The following LOC101059915 variants were observed in gnomAD, a reference collection of about 807,000 sequenced individuals.
At chrX:71,668,122 G>T in the LOC101059915 span, 1 of 1,138,395 alleles carries the variant, frequency 8.8e-7, no homozygotes. Flanking sequence ...CTACCTGGCT[G>T]ATGAGCCAGC....
the LOC101059915 span, chrX:71,669,598 C>T: frequency 5.2e-6 from 5 of 962,070 alleles, no homozygotes; most frequent in African/African-American, 2.0e-5. Context: ...TCTGTCCGTG[C>T]GTCGTGGAGA....
At chrX:71,671,272 C>A in the LOC101059915 span, 1 of 1,158,906 alleles carries the variant, frequency 8.6e-7, no homozygotes, top group African/African-American at 1.8e-5. Flanking sequence ...ACGTCATGTC[C>A]CTTTCCACAG....
chrX:71,669,692 T>A, the LOC101059915 span: 1 of 973,430 alleles, frequency 1.0e-6, no homozygotes, highest in Non-Finnish European at 1.3e-6. Context: ...AGACGCCTGG[T>A]GCCCAGATGC....
the LOC101059915 span, chrX:71,670,934 CT>C: frequency 1.4e-3 from 1,068 of 752,610 alleles, 13 homozygotes; most frequent in African/African-American, 0.023. Context: ...TTTCCTTTAA[CT>C]GCTGCCTGGT....
At chrX:71,668,952 G>A in the LOC101059915 span, 2 of 1,158,615 alleles carry the variant, frequency 1.7e-6, no homozygotes, top group Non-Finnish European at 2.3e-6. Context: ...GCCCTGGGAA[G>A]AAACCTGCAG....
the LOC101059915 span, chrX:71,670,111 ACCGTCC>A: frequency 1.3e-6 from 1 of 756,624 alleles, no homozygotes; most frequent in Non-Finnish European, 1.9e-6. Context: ...AACAGGGAAG[ACCGTCC>A]CAGAGGGAGG....
the LOC101059915 span, chrX:71,667,639 C>G: frequency 2.4e-6 from 1 of 421,764 alleles, no homozygotes; most frequent in Non-Finnish European, 3.5e-6. Context: ...CCTTGCTGTT[C>G]CTGTGGCCCC....
At chrX:71,667,591 G>A in the LOC101059915 span, 4 of 286,524 alleles carry the variant, frequency 1.4e-5, no homozygotes, top group South Asian at 4.8e-4. Flanking sequence ...GTGACATCTC[G>A]TGAGCAGACT....
the LOC101059915 span, chrX:71,668,601 T>C: frequency 1.8e-6 from 2 of 1,090,971 alleles, no homozygotes; most frequent in African/African-American, 3.7e-5. Flanking sequence ...TGATCTCTCC[T>C]CCCCGCAGAC....
the LOC101059915 span, chrX:71,667,723 T>C: frequency 2.1e-6 from 2 of 944,115 alleles, no homozygotes; most frequent in Non-Finnish European, 2.6e-6. Context: ...CGGCTGGGCT[T>C]GGCTGGGCTC....
the LOC101059915 span, chrX:71,668,145 G>A: frequency 3.5e-5 from 40 of 1,136,071 alleles, no homozygotes; most frequent in South Asian, 3.2e-4. Flanking sequence ...CCATCATGCC[G>A]CCGTCCAGCG....
At chrX:71,667,934 G>T in the LOC101059915 span, 1 of 1,142,868 alleles carries the variant, frequency 8.7e-7, no homozygotes, top group Non-Finnish European at 1.2e-6. Context: ...CTCAATTTTG[G>T]GGGGCAGCGC....
At chrX:71,670,557 A>G in the LOC101059915 span, 1 of 1,093,394 alleles carries the variant, frequency 9.1e-7, no homozygotes, top group East Asian at 3.4e-5. Context: ...GAACGGGGAG[A>G]AAGGAAGCCA....
At chrX:71,670,795 C>T in the LOC101059915 span, 449 of 1,072,532 alleles carry the variant, frequency 4.2e-4, 5 homozygotes, top group East Asian at 0.015. Context: ...CAGGCCTGGC[C>T]CTGGAGCCTT....
the LOC101059915 span, chrX:71,668,721 A>T: frequency 9.3e-7 from 1 of 1,074,241 alleles, no homozygotes; most frequent in African/African-American, 1.9e-5. Flanking sequence ...GCTGCTCAGG[A>T]GCTGCCGTTA....
chrX:71,670,863 T>C, the LOC101059915 span: 1 of 752,590 alleles, frequency 1.3e-6, no homozygotes, highest in Non-Finnish European at 1.6e-6. Flanking sequence ...GAACTCCGTG[T>C]ACACTTTGTC....
chrX:71,668,527 G>A, the LOC101059915 span: 11 of 1,138,837 alleles, frequency 9.7e-6, no homozygotes, highest in South Asian at 2.1e-4. Flanking sequence ...GAAGCCAGGA[G>A]ACACTTGCGG....
At chrX:71,668,879 C>T in the LOC101059915 span, 620 of 1,104,965 alleles carry the variant, frequency 5.6e-4, no homozygotes, top group Non-Finnish European at 6.9e-4. Context: ...GCTAGCTTCC[C>T]GCCAGTGTCT....
the LOC101059915 span, chrX:71,670,688 G>T: frequency 9.0e-7 from 1 of 1,114,612 alleles, no homozygotes; most frequent in African/African-American, 1.9e-5. Flanking sequence ...GGGCAGGGAT[G>T]GACAGCGGTG....
Sources: allele counts gnomAD v4.1 joint callset, GRCh38; gene constraint gnomAD v4.1.1; transcripts MANE v1.5.